WNK2: variants seen among roughly 807,000 people sequenced by gnomAD.
The protein encoded by WNK2 is WNK lysine deficient protein kinase 2.
Under a neutral mutation model 192.1 loss-of-function variants are expected in WNK2, and 67 were observed. The ratio of observed to expected loss-of-function variants is 0.35; its 90% CI spans 0.29 to 0.43. The LOEUF is 0.43. WNK2 is among the 20% of genes least tolerant of loss of function. WNK2 has a pLI of 1.00. For missense variants in WNK2, 2,698 were observed against 3,089.7 expected, an observed-to-expected ratio of 0.87 and a Z score of 3.01; for synonymous variants, 1,439 against 1,393.9, an observed-to-expected ratio of 1.03 and a Z score of -0.72.
intron 2 of WNK2, among the ~76,000 whole-genome samples, chr9:93,187,009 G>C (rs1829463440): frequency 6.6e-6 from 1 of 152,190 alleles, no homozygotes; most frequent in South Asian, 2.1e-4. Context: ...AGGGAAAGCA[G>C]AGAGAAGAGA....
chr9:93,237,601 T>C (rs1378110589), intron 5 of WNK2, among the ~76,000 whole-genome samples: 1 of 152,236 alleles, frequency 6.6e-6, no homozygotes, highest in East Asian at 1.9e-4. Context: ...CCCTCTCACT[T>C]GTAGGTCTCT....
chr9:93,257,235 A>T lies in WNK2; in HGVS notation c.2382+96A>T. ...CACCCACAGAGGGGGTTGTCTGTGC[A>T]TGTGACCTGTGACCTGGGGTTGGGC... On this transcript the variant is annotated intron_variant, in intron 11 of 29. Coordinates refer to ENST00000427277, the MANE Select transcript of WNK2 (RefSeq NM_006648.4). This position sits in a 1 kb window ranked among gnomAD's most constrained non-coding sequence, Gnocchi z 4.7. The T allele has an allele frequency of 9.6e-6, 13 of 1,359,406 alleles. No homozygotes were observed. Among genetic ancestry groups the T allele is most frequent in the Non-Finnish European group, 1.3e-5 (13 of 1,004,624 alleles). 84.2% of individuals were successfully genotyped at this position (1,359,406 alleles called of 1,614,324 possible). A position where few individuals can be genotyped will look rare whatever the true frequency, so the allele number is the denominator to read the frequency against.
chr9:93,185,900 T>A (rs10992667), intron 2 of WNK2, among the ~76,000 whole-genome samples: 1 of 152,152 alleles, frequency 6.6e-6, no homozygotes, highest in Non-Finnish European at 1.5e-5. Context: ...GTAGAGAGGG[T>A]CCTGGAGAGT....
At chr9:93,292,040 C>T (rs373746350) in intron 21 of WNK2, among the ~76,000 whole-genome samples, 4 of 152,340 alleles carry the variant, frequency 2.6e-5, no homozygotes, top group Admixed American at 1.3e-4. Context: ...CCGGGGCTGA[C>T]GCCTCTTCTC....
At chr9:93,302,896 A>G (rs923253696) in intron 26 of WNK2, among the ~76,000 whole-genome samples, 2 of 149,834 alleles carry the variant, frequency 1.3e-5, no homozygotes, top group African/African-American at 2.4e-5. Flanking sequence ...TGGGGAGCTC[A>G]CATGACCCAG....
chr9:93,306,704 T>C (rs1852619528), intron 26 of WNK2, 73 bp from the exon 27 acceptor site: 4 of 1,584,572 alleles, frequency 2.5e-6, no homozygotes, highest in Admixed American at 3.3e-5. Flanking sequence ...TTTTGCTTAG[T>C]GTGGTAGCGT....
intron 2 of WNK2, among the ~76,000 whole-genome samples, chr9:93,194,657 A>G (rs530862991): frequency 2.0e-5 from 3 of 152,350 alleles, no homozygotes; most frequent in Non-Finnish European, 4.4e-5. Flanking sequence ...AGTTTCTTAT[A>G]AAACTAAACA....
Position 93,229,043 on chromosome 9 carries a change from T to C in WNK2, c.682-653T>C, listed in dbSNP as rs757468967. ...GCACCTGACCAGGGTTCCCGGGTGATGATGGTGGCGTTTGTTTGCTGTTTT... is the reference window on the plus strand; with the variant it reads ...GCACCTGACCAGGGTTCCCGGGTGACGATGGTGGCGTTTGTTTGCTGTTTT... On this transcript the variant is annotated intron_variant, in intron 2 of 29. Transcript: ENST00000427277. The surrounding 1 kb of genome is among the most constrained non-coding windows in gnomAD (Gnocchi z 4.9). Among the ~76,000 whole-genome samples, 28 of 152,112 alleles carry C rather than the reference T, an allele frequency of 1.8e-4. No homozygotes were observed. Among genetic ancestry groups the C allele is most frequent in the Non-Finnish European group, 3.5e-4 (24 of 68,008 alleles).
At chr9:93,288,691 A>C (rs560627490) in intron 19 of WNK2, 97 bp from the exon 20 acceptor site, 2 of 1,256,918 alleles carry the variant, frequency 1.6e-6, no homozygotes, top group Admixed American at 2.7e-5. Flanking sequence ...CGCTGGGGCC[A>C]TGGCCAGCTG....
intron 28 of WNK2, 102 bp from the exon 29 acceptor site, chr9:93,317,418 C>A: frequency 8.9e-7 from 1 of 1,123,616 alleles, no homozygotes; most frequent in Non-Finnish European, 1.3e-6. Context: ...AGGACTGCTG[C>A]CTCCTGAGGA....
At chr9:93,302,396 C>G (rs998183913) in intron 26 of WNK2, among the ~76,000 whole-genome samples, 7 of 152,036 alleles carry the variant, frequency 4.6e-5, no homozygotes, top group African/African-American at 1.7e-4. Flanking sequence ...AGAGGAGGAG[C>G]AGGGTGGATG....
At chr9:93,268,487 A>T in intron 18 of WNK2, 140 bp from the exon 19 acceptor site, 1 of 1,342,348 alleles carries the variant, frequency 7.4e-7, no homozygotes, top group Non-Finnish European at 1.0e-6. Flanking sequence ...TTCTCTGCCC[A>T]CACCCTTCCT....
chr9:93,278,286 A>G (rs564262675), intron 19 of WNK2, among the ~76,000 whole-genome samples: 4 of 152,224 alleles, frequency 2.6e-5, no homozygotes, highest in Non-Finnish European at 4.4e-5. Flanking sequence ...CTGCGGAGAG[A>G]AGAGTCTGAA....
intron 5 of WNK2, among the ~76,000 whole-genome samples, chr9:93,235,880 C>T (rs1017864289): frequency 6.6e-6 from 1 of 152,222 alleles, no homozygotes; most frequent in African/African-American, 2.4e-5. Flanking sequence ...CACTCTGACC[C>T]ATCCCTCCAT....
chr9:93,310,905 A>G (rs952213045), intron 28 of WNK2, among the ~76,000 whole-genome samples: 1 of 152,338 alleles, frequency 6.6e-6, no homozygotes, highest in Non-Finnish European at 1.5e-5. Context: ...TGGAGGCTGC[A>G]GTGAACTATG....
intron 4 of WNK2, among the ~76,000 whole-genome samples, chr9:93,231,416 C>T (rs369949020): frequency 2.5e-3 from 383 of 152,328 alleles, no homozygotes; most frequent in African/African-American, 8.6e-3. Context: ...TGTTTCCCTC[C>T]GTGGCTGTGG....
chr9:93,274,223 A>G (rs1846403423), intron 19 of WNK2, among the ~76,000 whole-genome samples: 2 of 152,228 alleles, frequency 1.3e-5, no homozygotes, highest in East Asian at 1.9e-4. Flanking sequence ...AAATACCAAT[A>G]CTAAAGAAAG....
chr9:93,208,326 C>T (rs969918165), intron 2 of WNK2, among the ~76,000 whole-genome samples: 1 of 152,176 alleles, frequency 6.6e-6, no homozygotes, highest in Non-Finnish European at 1.5e-5. Context: ...AGAGGTAACA[C>T]GTTTTTGTAG....
intron 26 of WNK2, among the ~76,000 whole-genome samples, chr9:93,305,747 C>A (rs1461216078): frequency 1.3e-5 from 2 of 152,234 alleles, no homozygotes; most frequent in Non-Finnish European, 2.9e-5. Context: ...TGAGTCCCTG[C>A]AAGATCAGAG....
Sources: allele counts gnomAD v4.1 joint callset (sites outside exome capture counted in the v4.1 genomes callset), GRCh38; gene constraint gnomAD v4.1.1; non-coding constraint Gnocchi (gnomAD v3.1); transcripts MANE v1.5; gene names NCBI Gene and HGNC (gene_info 2026-07-23, HGNC 2026-07-21).